The following B4GALT2 variants were observed in gnomAD, a reference collection of about 807,000 sequenced individuals.
The protein encoded by B4GALT2 is N-acetyllactosamine synthase.
A neutral mutation model predicts 33.2 loss-of-function variants in B4GALT2; 18 were observed. The ratio of observed to expected loss-of-function variants is 0.54; its 90% CI spans 0.38 to 0.80. The LOEUF is 0.80. Ranked by LOEUF, B4GALT2 falls within the 30% of genes least tolerant of loss-of-function variation. The pLI is 0.00. For synonymous variants in B4GALT2, 214 were observed against 217.6 expected, an observed-to-expected ratio of 0.98 and a Z score of 0.15; for missense variants, 404 against 526.2, an observed-to-expected ratio of 0.77 and a Z score of 2.27.
Position 43,981,716 on chromosome 1 carries a change from C to T in B4GALT2, c.341C>T (p.Ser114Leu), listed in dbSNP as rs1362751689. 2 of 1,612,200 alleles carry T rather than the reference C, an allele frequency of 1.2e-6. No homozygotes were observed. The highest frequency in any genetic ancestry group is 2.2e-5 in the East Asian group (1 of 44,860). ...GGCAGACTGCTGATCGAGTTCACCT[C>T]ACCCATGCCCCTGGAGCGGGTGCAG... ...LVGRLLIEFT[S>L]PMPLERVQRE... is the part of the protein sequence containing the mutation. Residue 114 changes from serine (S) to leucine (L), a missense_variant, in exon 3 of 7, where the codon TCA becomes TTA. Ser to Leu is a moderately radical substitution (Grantham distance 145). Coordinates refer to ENST00000372324, the MANE Select transcript of B4GALT2 (RefSeq NM_003780.5). The surrounding 1 kb of genome is among the most constrained non-coding windows in gnomAD (Gnocchi z 8.1).
In B4GALT2 at chr1:43,982,066, C is replaced by T. The variant is rs537569909; in HGVS notation, c.549+142C>T. 235 of 809,540 alleles carry T rather than the reference C, an allele frequency of 2.9e-4. 4 individuals are homozygous for T. The South Asian group carries it at 3.4e-3, about 12-fold the overall frequency. 50.1% of individuals were successfully genotyped at this position (809,540 alleles called of 1,614,324 possible). Reference sequence around the variant, plus strand: ...TTGTCAGTGTGCACAGGAATGTGTACGCACAGTGTGTGCATGTGAATGTTG... The same window carrying T: ...TTGTCAGTGTGCACAGGAATGTGTATGCACAGTGTGTGCATGTGAATGTTG... On this transcript the variant is annotated intron_variant, in intron 3 of 6. Transcript: ENST00000372324. This position sits in a 1 kb window ranked among gnomAD's most constrained non-coding sequence, Gnocchi z 4.3.
chr1:43,986,627 G>C (rs2085661989), intron 6 of B4GALT2, among the ~76,000 whole-genome samples: 1 of 152,212 alleles, frequency 6.6e-6, no homozygotes, highest in Non-Finnish European at 1.5e-5. Flanking sequence ...GCGGGGGAAA[G>C]TCACGTCTGG....
In B4GALT2 at chr1:43,985,970, T is replaced by C. The variant is rs182745327; in HGVS notation, c.968+349T>C. On this transcript the variant is annotated intron_variant, in intron 6 of 6. Transcript: ENST00000372324. ...CTCGAAGACCTCACTTGTGCACCTG[T>C]GGGACCCCTGCCGGGGCAGATAGGA... is the stretch of plus-strand genomic sequence containing the variant. 7.3e-5 allele frequency: 24 copies of C among 327,042 alleles called. 1 individual carries two copies. The East Asian group carries it at 1.6e-3, about 21-fold the overall frequency. The allele number at this position is 327,042 out of a possible 1,614,324, so 20.3% of individuals were successfully genotyped here. A position where few individuals can be genotyped will look rare whatever the true frequency, so the allele number is the denominator to read the frequency against.
intron 1 of B4GALT2, chr1:43,980,315 A>G: frequency 2.5e-6 from 1 of 392,906 alleles, no homozygotes; most frequent in Non-Finnish European, 4.4e-6. Context: ...TCCGGGAATC[A>G]GAACCAGCTG....
intron 1 of B4GALT2, chr1:43,980,754 T>C (rs999622897): frequency 7.5e-6 from 3 of 398,548 alleles, no homozygotes; most frequent in Non-Finnish European, 8.3e-6. Flanking sequence ...CATGCTTAGG[T>C]ACAAACCAGT....
intron 6 of B4GALT2, among the ~76,000 whole-genome samples, chr1:43,988,394 A>G (rs980018960): frequency 2.7e-5 from 4 of 150,766 alleles, no homozygotes; most frequent in Non-Finnish European, 5.9e-5. Flanking sequence ...ACGGTGGCTC[A>G]TGCCTGTAAT....
At position 43,990,600 on chromosome 1, in the gene B4GALT2, G is replaced by GT. The variant is rs2085719982; in HGVS notation, c.*155dup. 4 of 1,149,960 alleles carry GT rather than the reference G, an allele frequency of 3.5e-6. No individual in the cohort carries two copies. In the African/African-American group the frequency reaches 6.2e-5, roughly 18 times the overall value. 71.2% of individuals were successfully genotyped at this position (1,149,960 alleles called of 1,614,324 possible). A position where few individuals can be genotyped will look rare whatever the true frequency, so the allele number is the denominator to read the frequency against. The stretch of plus-strand genomic sequence containing the variant: ...CTAGGCCCCCTAGCTACACCTGGAA[G>GT]TTTCAGAACCCACTTTGGGGGGCCT... On this transcript the variant is annotated 3_prime_UTR_variant, in exon 7 of 7. Coordinates refer to ENST00000372324, the MANE Select transcript of B4GALT2 (RefSeq NM_003780.5).
In B4GALT2 at chr1:43,984,778, T is replaced by TC. The variant is rs1449858058; in HGVS notation, c.550-83dup. On this transcript the variant is annotated intron_variant, in intron 3 of 6. Transcript: ENST00000372324. This position sits in a 1 kb window ranked among gnomAD's most constrained non-coding sequence, Gnocchi z 5.6. ...GCCATGCAGCGAGGGGGCTGGTAGA[T>TC]CCCCAGAGACTGCTCTGGAGAGTGG... 1 of 1,383,304 alleles carries TC rather than the reference T, an allele frequency of 7.2e-7. No individual in the cohort carries two copies. Among genetic ancestry groups the TC allele is most frequent in the Non-Finnish European group, 9.9e-7 (1 of 1,007,986 alleles). 85.7% of individuals were successfully genotyped at this position (1,383,304 alleles called of 1,614,324 possible).
At chr1:43,988,499 A>G (rs1413144322) in intron 6 of B4GALT2, among the ~76,000 whole-genome samples, 2 of 152,148 alleles carry the variant, frequency 1.3e-5, no homozygotes, top group African/African-American at 2.4e-5. Context: ...TCTACTAAAA[A>G]TACCAAAAAA....
At chr1:43,980,362 A>G (rs781280243) in intron 1 of B4GALT2, 1 of 308,728 alleles carries the variant, frequency 3.2e-6, no homozygotes, top group Non-Finnish European at 5.6e-6. Context: ...CCCAGTCCCA[A>G]GGGGCTGGCT....
intron 6 of B4GALT2, among the ~76,000 whole-genome samples, chr1:43,987,569 T>G (rs559951592): frequency 6.6e-6 from 1 of 152,146 alleles, no homozygotes; most frequent in African/African-American, 2.4e-5. Flanking sequence ...CTAAAACATA[T>G]TTGAGTCCAT....
chr1:43,981,046 G>T lies in B4GALT2; in HGVS notation c.-52-63G>T. 6.8e-7 allele frequency: 1 copy of T among 1,468,394 alleles called. No homozygotes were observed. The highest frequency in any genetic ancestry group is 9.0e-7 in the Non-Finnish European group (1 of 1,108,938). The allele number at this position is 1,468,394 out of a possible 1,614,324, so 91.0% of individuals were successfully genotyped here. A position where few individuals can be genotyped will look rare whatever the true frequency, so the allele number is the denominator to read the frequency against. Reference sequence around the variant, plus strand: ...AGTGTGAGCAGCTGAGTGGGAGGTAGGTGGGCAGCCTTGCCTGTCCTGCCC... The same window carrying T: ...AGTGTGAGCAGCTGAGTGGGAGGTATGTGGGCAGCCTTGCCTGTCCTGCCC... On this transcript the variant is annotated intron_variant, in intron 1 of 6. Transcript: ENST00000372324. This position sits in a 1 kb window ranked among gnomAD's most constrained non-coding sequence, Gnocchi z 8.1.
chr1:43,988,949 G>A (rs1052659694), intron 6 of B4GALT2, among the ~76,000 whole-genome samples: 8 of 151,660 alleles, frequency 5.3e-5, no homozygotes, highest in Admixed American at 2.0e-4. Flanking sequence ...GAGGGCCAAT[G>A]CAGGAGCAGA....
At chr1:43,987,741 A>G (rs2085674773) in intron 6 of B4GALT2, among the ~76,000 whole-genome samples, 1 of 152,204 alleles carries the variant, frequency 6.6e-6, no homozygotes, top group Admixed American at 6.5e-5. Flanking sequence ...GAATGAAAAC[A>G]TGAGCTGCTC....
chr1:43,988,455 C>A (rs1349686279), intron 6 of B4GALT2, among the ~76,000 whole-genome samples: 1 of 151,340 alleles, frequency 6.6e-6, no homozygotes, highest in African/African-American at 2.4e-5. Context: ...GTCAGTAGTT[C>A]GAGACCAGCC....
chr1:43,983,176 A>G (rs1020615230), intron 3 of B4GALT2, among the ~76,000 whole-genome samples: 1 of 152,144 alleles, frequency 6.6e-6, no homozygotes, highest in African/African-American at 2.4e-5. Context: ...AGTTAGACAA[A>G]TGAGTCTGGA....
At chr1:43,987,450 G>C (rs1352745131) in intron 6 of B4GALT2, among the ~76,000 whole-genome samples, 1 of 152,128 alleles carries the variant, frequency 6.6e-6, no homozygotes, top group Non-Finnish European at 1.5e-5. Flanking sequence ...TTCACAAACT[G>C]TGAACTCTCT....
chr1:43,988,771 C>A (rs1394426239), intron 6 of B4GALT2, among the ~76,000 whole-genome samples: 1 of 146,478 alleles, frequency 6.8e-6, no homozygotes, highest in Non-Finnish European at 1.5e-5. Context: ...CGCTTGAACC[C>A]AGGAGGCAGA....
In B4GALT2 at chr1:43,981,678, C is replaced by A; in HGVS notation, c.314-11C>A. On this transcript the variant is annotated splice_polypyrimidine_tract_variant and intron_variant, in intron 2 of 6. Coordinates refer to ENST00000372324, the MANE Select transcript of B4GALT2 (RefSeq NM_003780.5). The surrounding 1 kb of genome is among the most constrained non-coding windows in gnomAD (Gnocchi z 8.1). Reference sequence around the variant, plus strand: ...CCAATGCCCTGATTCCTGACACTGTCCTGTCTGCAGTGGGCAGACTGCTGA... The same window carrying A: ...CCAATGCCCTGATTCCTGACACTGTACTGTCTGCAGTGGGCAGACTGCTGA... 1 of 1,599,916 alleles carries A rather than the reference C, an allele frequency of 6.3e-7. No individual in the cohort carries two copies. The highest frequency in any genetic ancestry group is 8.5e-7 in the Non-Finnish European group (1 of 1,171,332).
Sources: allele counts gnomAD v4.1 joint callset (sites outside exome capture counted in the v4.1 genomes callset), GRCh38; gene constraint gnomAD v4.1.1; non-coding constraint Gnocchi (gnomAD v3.1); transcripts MANE v1.5; gene names NCBI Gene and HGNC (gene_info 2026-07-23, HGNC 2026-07-21).